The following STXBP5L variants were observed in gnomAD, a reference collection of about 807,000 sequenced individuals.
STXBP5L encodes the protein syntaxin binding protein 5L.
In STXBP5L, 65 loss-of-function variants were observed where a neutral mutation model predicts 144.5. The observed-to-expected ratio is 0.45, with a 90% CI of 0.37 to 0.55. STXBP5L has a LOEUF of 0.55. Ranked by LOEUF, STXBP5L falls within the 20% of genes least tolerant of loss-of-function variation. STXBP5L has a pLI of 0.00. For synonymous variants in STXBP5L, 505 were observed against 469.6 expected (o/e 1.08, Z -0.97); for missense variants, 1,298 against 1,405.5 (o/e 0.92, Z 1.22).
intron 7 of STXBP5L, among the ~76,000 whole-genome samples, chr3:121,132,995 G>T (rs2045065932): frequency 6.6e-6 from 1 of 152,094 alleles, no homozygotes; most frequent in Non-Finnish European, 1.5e-5. Context: ...GACTTATGGG[G>T]TACAATTAAA....
At chr3:121,146,693 A>G (rs2045722292) in intron 7 of STXBP5L, among the ~76,000 whole-genome samples, 2 of 152,114 alleles carry the variant, frequency 1.3e-5, no homozygotes, top group South Asian at 4.1e-4. Context: ...GTGTAACTAT[A>G]CTAATATCAG....
At chr3:121,137,363 A>T (rs748717119) in intron 7 of STXBP5L, among the ~76,000 whole-genome samples, 5 of 152,200 alleles carry the variant, frequency 3.3e-5, no homozygotes, top group Non-Finnish European at 5.9e-5. Context: ...GTTACATCTG[A>T]TACCACAGAA....
At chr3:121,231,832 T>C (rs1247318861) in intron 11 of STXBP5L, among the ~76,000 whole-genome samples, 2 of 152,170 alleles carry the variant, frequency 1.3e-5, no homozygotes, top group Non-Finnish European at 2.9e-5. Context: ...AACTGCTGCT[T>C]AAGCCAAATA....
chr3:121,201,979 C>A (rs1026437904), intron 9 of STXBP5L, among the ~76,000 whole-genome samples: 1 of 152,182 alleles, frequency 6.6e-6, no homozygotes, highest in African/African-American at 2.4e-5. Flanking sequence ...CGGTGTTGAA[C>A]ACCTGACCTC....
At chr3:121,077,145 C>T (rs1460548159) in intron 5 of STXBP5L, among the ~76,000 whole-genome samples, 4 of 152,186 alleles carry the variant, frequency 2.6e-5, no homozygotes, top group Non-Finnish European at 5.9e-5. Flanking sequence ...GACCAATTCA[C>T]GAGCCCCACC....
chr3:121,420,456 C>T lies in STXBP5L; in HGVS notation c.*1359C>T, dbSNP rs1211807513. The T allele has an allele frequency of 6.6e-6, 1 of 152,014 alleles. No individual in the cohort carries two copies. Among genetic ancestry groups the T allele is most frequent in the Admixed American group, 6.6e-5 (1 of 15,266 alleles). The allele number at this position is 152,014 out of a possible 1,614,324, so 9.4% of individuals were successfully genotyped here. ...ATGTCAATAGATGCCAAACACTTGT[C>T]CCTTATTAAAGACTCTTTTAAAGCT... On this transcript the variant is annotated 3_prime_UTR_variant, in exon 27 of 27. Transcript: ENST00000471454.
At chr3:121,187,014 C>T (rs2047411569) in intron 9 of STXBP5L, among the ~76,000 whole-genome samples, 1 of 152,090 alleles carries the variant, frequency 6.6e-6, no homozygotes, top group African/African-American at 2.4e-5. Flanking sequence ...GGTGATTCCT[C>T]AGGGATCTAG....
At chr3:121,197,993 T>A (rs2047987947) in intron 9 of STXBP5L, among the ~76,000 whole-genome samples, 2 of 152,330 alleles carry the variant, frequency 1.3e-5, no homozygotes, top group South Asian at 2.1e-4. Context: ...TTATTTATAA[T>A]CCTTTGGATA....
At chr3:121,188,351 G>A (rs939666840) in intron 9 of STXBP5L, among the ~76,000 whole-genome samples, 2 of 152,150 alleles carry the variant, frequency 1.3e-5, no homozygotes, top group Non-Finnish European at 2.9e-5. Context: ...AGAACACAGT[G>A]CAATCAAATT....
At chr3:121,325,815 A>G (rs574441773) in intron 20 of STXBP5L, among the ~76,000 whole-genome samples, 1 of 152,050 alleles carries the variant, frequency 6.6e-6, no homozygotes, top group African/African-American at 2.4e-5. Context: ...CCTTACATCT[A>G]TGTAATACTA....
At position 121,068,990 on chromosome 3, in the gene STXBP5L, G is replaced by A. The variant is rs191086438; in HGVS notation, c.470+23455G>A. ...TCAATTCACCCCATATGTTAATGTC[G>A]TACATGCACTCGTGTGTGTGTGTGT... On this transcript the variant is annotated intron_variant, in intron 5 of 26. Transcript: ENST00000471454. 4.7e-4 allele frequency among the ~76,000 whole-genome samples: 71 copies of A among 152,130 alleles called. 1 individual carries two copies. The highest frequency in any genetic ancestry group is 1.2e-3 in the African/African-American group (49 of 41,508).
chr3:121,339,658 A>C (rs1046477636), intron 20 of STXBP5L, among the ~76,000 whole-genome samples: 42 of 152,044 alleles, frequency 2.8e-4, no homozygotes, highest in African/African-American at 9.7e-4. Context: ...AACTAGAAAA[A>C]CCTAAAGATC....
At chr3:121,077,844 AC>A (rs1285677369) in intron 5 of STXBP5L, among the ~76,000 whole-genome samples, 1 of 152,056 alleles carries the variant, frequency 6.6e-6, no homozygotes, top group African/African-American at 2.4e-5. Flanking sequence ...GCATTCACAA[AC>A]CCTGAGCTAG....
At chr3:121,207,998 A>G (rs1433050868) in intron 10 of STXBP5L, among the ~76,000 whole-genome samples, 3 of 152,210 alleles carry the variant, frequency 2.0e-5, no homozygotes, top group Admixed American at 6.5e-5. Context: ...TACCCAAAGG[A>G]TTATAAATCA....
rs191308257 is a variant in STXBP5L, at chr3:121,327,279, A to G, written c.2176+8739A>G. 1.6e-4 allele frequency among the ~76,000 whole-genome samples: 25 copies of G among 152,310 alleles called. No individual in the cohort carries two copies. The East Asian group carries it at 2.9e-3, about 18-fold the overall frequency. On this transcript the variant is annotated intron_variant, in intron 20 of 26. Transcript: ENST00000471454. Reference sequence around the variant, plus strand: ...GCAATTCTATTTTTATTTAGGGTTAAGCATAAAACCTCATTCTCACATAAG... The same window carrying G: ...GCAATTCTATTTTTATTTAGGGTTAGGCATAAAACCTCATTCTCACATAAG...
At chr3:121,366,586 A>G (rs1184508361) in intron 20 of STXBP5L, among the ~76,000 whole-genome samples, 1 of 152,044 alleles carries the variant, frequency 6.6e-6, no homozygotes, top group Non-Finnish European at 1.5e-5. Flanking sequence ...TACCATTTGC[A>G]TGGAATCTCT....
chr3:121,349,033 C>G (rs746292575), intron 20 of STXBP5L, among the ~76,000 whole-genome samples: 2 of 152,046 alleles, frequency 1.3e-5, no homozygotes, highest in African/African-American at 4.8e-5. Context: ...TTCTCTAGTT[C>G]TTTTAATTGT....
chr3:121,301,343 G>T (rs541734363), intron 19 of STXBP5L, among the ~76,000 whole-genome samples: 2 of 152,070 alleles, frequency 1.3e-5, no homozygotes, highest in Admixed American at 6.6e-5. Context: ...TTGGCTCTCT[G>T]TTTGTCTGTT....
At position 120,970,598 on chromosome 3, in the gene STXBP5L, A is replaced by G. The variant is rs1181707047; in HGVS notation, c.287+15561A>G. On this transcript the variant is annotated intron_variant, in intron 3 of 26. Coordinates refer to ENST00000471454, the MANE Select transcript of STXBP5L (RefSeq NM_001308330.2). ...TTTCTTTTCTTTTGTTGCTTTGAGT[A>G]TCCTGTCTTTTCATTTCACTGATTA... Among the ~76,000 whole-genome samples, 3 of 152,020 alleles carry G rather than the reference A, an allele frequency of 2.0e-5. No homozygotes were observed. In the East Asian group the frequency reaches 5.8e-4, roughly 29 times the overall value.
Sources: allele counts gnomAD v4.1 joint callset (sites outside exome capture counted in the v4.1 genomes callset), GRCh38; gene constraint gnomAD v4.1.1; transcripts MANE v1.5; gene names NCBI Gene and HGNC (gene_info 2026-07-23, HGNC 2026-07-21).